The following SYCP2L variants were observed in gnomAD, a reference collection of about 807,000 sequenced individuals.
SYCP2L encodes the protein synaptonemal complex protein 2-like.
SYCP2L carries 98 observed loss-of-function variants against 125.8 expected under a neutral mutation model. The ratio of observed to expected loss-of-function variants is 0.78; its 90% CI spans 0.66 to 0.92. SYCP2L has a LOEUF of 0.92. Ranked by LOEUF, SYCP2L falls within the 40% of genes least tolerant of loss-of-function variation. The pLI, the probability that SYCP2L is intolerant of heterozygous loss-of-function variation, is 0.00. For missense variants in SYCP2L, 842 were observed against 936.4 expected (o/e 0.90, Z 1.32); for synonymous variants, 317 against 325.4 (o/e 0.97, Z 0.28).
intron 23 of SYCP2L, 85 bp from the exon 24 acceptor site, chr6:10,955,031 G>T: frequency 1.1e-6 from 1 of 890,810 alleles, no homozygotes. Flanking sequence ...GTTTCAGATG[G>T]TACTCTTCAC....
chr6:10,956,302 A>G, intron 25 of SYCP2L, 60 bp downstream of exon 25: 2 of 1,272,340 alleles, frequency 1.6e-6, no homozygotes, highest in Non-Finnish European at 2.2e-6. Flanking sequence ...CATTATGCTA[A>G]GTGAAATAAG....
intron 4 of SYCP2L, among the ~76,000 whole-genome samples, chr6:10,897,367 G>A (rs552675929): frequency 6.6e-5 from 10 of 150,388 alleles, no homozygotes; most frequent in South Asian, 4.2e-4. Flanking sequence ...TTCTCAGATC[G>A]CAAGATTTTT....
In SYCP2L at chr6:10,893,967, G is replaced by A. The variant is rs1324578593; in HGVS notation, c.179G>A (p.Arg60His). The change falls in exon 3 of 30, where the codon CGT (arginine) becomes CAT (histidine). Residue 60 changes from arginine to histidine, a missense_variant. Coordinates refer to ENST00000283141, the MANE Select transcript of SYCP2L (RefSeq NM_001040274.3). ...AGCCACTTTCCTCAAAAATATAATCGTCTTCTATTATACCGTCTTGACAGA... is the reference window on the plus strand; with the variant it reads ...AGCCACTTTCCTCAAAAATATAATCATCTTCTATTATACCGTCTTGACAGA... Reference protein sequence around the residue: ...KESHFPQKYNRLLLYRLDRSI... With the variant: ...KESHFPQKYNHLLLYRLDRSI... 2.5e-6 allele frequency: 4 copies of A among 1,611,880 alleles called. No individual in the cohort carries two copies. The highest frequency in any genetic ancestry group is 2.5e-6 in the Non-Finnish European group (3 of 1,179,522).
chr6:10,934,723 T>C (rs1781061938), intron 20 of SYCP2L, among the ~76,000 whole-genome samples: 1 of 152,224 alleles, frequency 6.6e-6, no homozygotes, highest in Non-Finnish European at 1.5e-5. Flanking sequence ...TGTAAGATTC[T>C]TTCCAACTGT....
chr6:10,921,451 A>G (rs1200546193), intron 14 of SYCP2L, among the ~76,000 whole-genome samples: 4 of 152,154 alleles, frequency 2.6e-5, no homozygotes, highest in Admixed American at 1.3e-4. Flanking sequence ...TTGAGGAATC[A>G]CCACACTGCC....
At position 10,923,683 on chromosome 6, in the gene SYCP2L, C is replaced by CTT. The variant is rs372980518; in HGVS notation, c.1073-799_1073-798dup. Among the ~76,000 whole-genome samples the CTT allele has an allele frequency of 7.5e-3, 914 of 122,326 alleles. 16 individuals carry two copies. The highest frequency in any genetic ancestry group is 0.023 in the African/African-American group (739 of 31,532). 80.3% of individuals were successfully genotyped at this position (122,326 alleles called of 152,430 possible). On this transcript the variant is annotated intron_variant, in intron 14 of 29. Transcript: ENST00000283141. ...CGCAGACTTCTTTCTTTTTCTTTTT[C>CTT]TTTTTTTTTTTTTTTCTTGAGACGG...
chr6:10,970,040 T>C (rs372270126), intron 29 of SYCP2L, among the ~76,000 whole-genome samples: 1 of 152,068 alleles, frequency 6.6e-6, no homozygotes, highest in African/African-American at 2.4e-5. Flanking sequence ...TTCTATAGGA[T>C]TGAGTGTGGT....
chr6:10,903,381 C>T (rs754216518), intron 8 of SYCP2L, among the ~76,000 whole-genome samples: 10 of 152,136 alleles, frequency 6.6e-5, no homozygotes, highest in East Asian at 3.9e-4. Context: ...ACCCTGTCTC[C>T]ACTAAAAATA....
At chr6:10,916,177 C>T (rs1335598246) in intron 14 of SYCP2L, among the ~76,000 whole-genome samples, 2 of 152,122 alleles carry the variant, frequency 1.3e-5, no homozygotes, top group Non-Finnish European at 2.9e-5. Flanking sequence ...TCTCCTGTTT[C>T]ATTTCTTACT....
chr6:10,910,570 T>G (rs1282757322), intron 11 of SYCP2L, among the ~76,000 whole-genome samples: 1 of 152,196 alleles, frequency 6.6e-6, no homozygotes, highest in Admixed American at 6.6e-5. Context: ...CTAAATTCAC[T>G]CCTTTTGTTT....
At chr6:10,952,199 G>A (rs966605712) in intron 23 of SYCP2L, among the ~76,000 whole-genome samples, 1 of 152,210 alleles carries the variant, frequency 6.6e-6, no homozygotes, top group African/African-American at 2.4e-5. Context: ...ACTGAGCCAA[G>A]GACATCACTT....
rs1780975790 is a variant in SYCP2L at position 10,930,501 on chromosome 6, A to C, written c.1620A>C (p.Arg540Ser). ...CCAGTAGAAAGAAGACAAGAACCAG[A>C]AGTAATTTGAGAAGTAAGTCTGGCA... ...SYSSRKKTRT[R>S]SNLRILPVFP... Residue 540 changes from arginine (R) to serine (S), a missense_variant, in exon 19 of 30, where the codon AGA becomes AGC. Coordinates refer to ENST00000283141, the MANE Select transcript of SYCP2L (RefSeq NM_001040274.3). The C allele has an allele frequency of 6.2e-7, 1 of 1,610,872 alleles. No individual in the cohort carries two copies. Among genetic ancestry groups the C allele is most frequent in the Non-Finnish European group, 8.5e-7 (1 of 1,179,022 alleles).
Position 10,955,113 on chromosome 6 carries a change from T to C in SYCP2L, c.1955-3T>C, listed in dbSNP as rs376678430. On this transcript the variant is annotated splice_polypyrimidine_tract_variant and splice_region_variant and intron_variant, in intron 23 of 29. Coordinates refer to ENST00000283141, the MANE Select transcript of SYCP2L (RefSeq NM_001040274.3). Reference sequence around the variant, plus strand: ...AAAGGAAATGTGCTCTGTTTGCCTGTAGACATACCAGAAGGTAGTTTTGCT... The same window carrying C: ...AAAGGAAATGTGCTCTGTTTGCCTGCAGACATACCAGAAGGTAGTTTTGCT... The C allele has an allele frequency of 1.0e-5, 16 of 1,605,344 alleles. No individual in the cohort carries two copies. The African/African-American group carries it at 2.1e-4, about 21-fold the overall frequency.
intron 15 of SYCP2L, among the ~76,000 whole-genome samples, chr6:10,925,657 A>G (rs1243321266): frequency 6.6e-6 from 1 of 152,176 alleles, no homozygotes; most frequent in Non-Finnish European, 1.5e-5. Flanking sequence ...AGGTGTTTAT[A>G]TGTAGCAAAG....
intron 14 of SYCP2L, among the ~76,000 whole-genome samples, chr6:10,917,470 C>T (rs1048293954): frequency 4.6e-5 from 7 of 152,176 alleles, no homozygotes; most frequent in African/African-American, 1.4e-4. Flanking sequence ...ACTACTCCTG[C>T]TCGCTTTTGG....
At chr6:10,889,306 G>A (rs1245078215) in intron 1 of SYCP2L, among the ~76,000 whole-genome samples, 1 of 152,046 alleles carries the variant, frequency 6.6e-6, no homozygotes, top group Non-Finnish European at 1.5e-5. Context: ...CATAGTAATT[G>A]CACATGTTAA....
In SYCP2L at chr6:10,961,333, T is replaced by C; in HGVS notation, c.2284T>C (p.Leu762=). ...CAATAAACTAGAGCGCTTTCAAAAT[T>C]TGGTTCTTCAAGAGTTGAGCAGTCT... ...RLNKLERFQN[L]VLQELSSLKQ... Residue 762 remains leucine, a synonymous_variant, in exon 27 of 30, where the codon TTG becomes CTG. Transcript: ENST00000283141. 2 of 1,614,176 alleles carry C rather than the reference T, an allele frequency of 1.2e-6. No individual in the cohort carries two copies. Among genetic ancestry groups the C allele is most frequent in the Non-Finnish European group, 1.7e-6 (2 of 1,180,008 alleles).
In SYCP2L at chr6:10,902,331, TAGA is replaced by T. The variant is rs534944266; in HGVS notation, c.467-338_467-336del. ...TTGACAGCAGTTCTCAAGTTCTTCTTAGAAGAAGAATTACCTGGCTTGAAATAT... is the reference window on the plus strand; with the variant it reads ...TTGACAGCAGTTCTCAAGTTCTTCTTAGAAGAATTACCTGGCTTGAAATAT... On this transcript the variant is annotated intron_variant, in intron 6 of 29. Transcript: ENST00000283141. Among the ~76,000 whole-genome samples the T allele has an allele frequency of 1.6e-4, 25 of 152,236 alleles. No homozygotes were observed. The East Asian group carries it at 4.2e-3, about 26-fold the overall frequency.
At chr6:10,891,415 T>C (rs1191981472) in intron 1 of SYCP2L, 98 bp from the exon 2 acceptor site, 2 of 859,104 alleles carry the variant, frequency 2.3e-6, no homozygotes, top group East Asian at 2.8e-5. Context: ...ATACAAACCT[T>C]TAATTTTTTT....
Sources: gnomAD v4.1 joint callset for allele counts (sites outside exome capture counted in the v4.1 genomes callset) on GRCh38, gnomAD v4.1.1 for gene constraint, MANE v1.5 for transcripts, NCBI Gene and HGNC (gene_info 2026-07-23, HGNC 2026-07-21) for gene names.